PCCA: variants seen among roughly 807,000 people sequenced by gnomAD.
PCCA encodes the protein propionyl-CoA carboxylase subunit alpha.
PCCA carries 74 observed loss-of-function variants against 101.3 expected under a neutral mutation model. The observed-to-expected ratio is 0.73, with a 90% CI of 0.61 to 0.89. The LOEUF (loss-of-function observed/expected upper bound fraction) is 0.89. PCCA is among the 40% of genes least tolerant of loss of function. The pLI, the probability that PCCA is intolerant of heterozygous loss-of-function variation, is 0.00. For missense variants in PCCA, 891 were observed against 907.0 expected (o/e 0.98, Z 0.23); for synonymous variants, 294 against 313.6 (o/e 0.94, Z 0.66).
rs373646233 is a variant in PCCA, at chr13:100,456,114, A to T, written c.1899+6809A>T. Reference sequence around the variant, plus strand: ...TTTTGCCAGTGTGAATAGTGCCCTCATTGTTGTTTCAATTTGCTTTATCCT... The same window carrying T: ...TTTTGCCAGTGTGAATAGTGCCCTCTTTGTTGTTTCAATTTGCTTTATCCT... On this transcript the variant is annotated intron_variant, in intron 21 of 23. Coordinates refer to ENST00000376285, the MANE Select transcript of PCCA (RefSeq NM_000282.4). Among the ~76,000 whole-genome samples, 58 of 152,198 alleles carry T rather than the reference A, an allele frequency of 3.8e-4. No individual in the cohort carries two copies. The East Asian group carries it at 5.2e-3, about 14-fold the overall frequency.
chr13:100,299,377 T>A (rs1385828142), intron 12 of PCCA, among the ~76,000 whole-genome samples: 1 of 152,222 alleles, frequency 6.6e-6, no homozygotes, highest in Non-Finnish European at 1.5e-5. Flanking sequence ...ATATGCTTTT[T>A]AAAAGACATG....
chr13:100,218,688 T>C (rs1050318677), intron 7 of PCCA, among the ~76,000 whole-genome samples: 1 of 152,214 alleles, frequency 6.6e-6, no homozygotes, highest in Non-Finnish European at 1.5e-5. Context: ...AAAGGTGATG[T>C]GATATTACTC....
chr13:100,417,841 G>A (rs1473930878), intron 19 of PCCA, among the ~76,000 whole-genome samples: 2 of 151,970 alleles, frequency 1.3e-5, no homozygotes, highest in East Asian at 1.9e-4. Flanking sequence ...CATACCACAC[G>A]CACCTCCAAG....
intron 4 of PCCA, among the ~76,000 whole-genome samples, chr13:100,113,237 G>T (rs2048487590): frequency 6.6e-6 from 1 of 152,108 alleles, no homozygotes; most frequent in African/African-American, 2.4e-5. Flanking sequence ...AATACTGTAG[G>T]CAATTGTAAC....
intron 12 of PCCA, among the ~76,000 whole-genome samples, chr13:100,278,449 T>A (rs1307589090): frequency 6.6e-6 from 1 of 152,058 alleles, no homozygotes; most frequent in Non-Finnish European, 1.5e-5. Flanking sequence ...TTCAAGTTTG[T>A]ACCATGGTTG....
chr13:100,133,773 A>G (rs1050038406), intron 4 of PCCA, among the ~76,000 whole-genome samples: 3 of 151,992 alleles, frequency 2.0e-5, no homozygotes, highest in African/African-American at 7.3e-5. Flanking sequence ...AGGCAGACCC[A>G]CCCCCAATCT....
At chr13:100,200,985 A>G (rs1006363872) in intron 6 of PCCA, among the ~76,000 whole-genome samples, 7 of 152,248 alleles carry the variant, frequency 4.6e-5, no homozygotes, top group African/African-American at 1.4e-4. Context: ...GATAGGGGAA[A>G]TGACAGAATT....
At chr13:100,150,961 A>T in intron 4 of PCCA, 1 of 1,517,316 alleles carries the variant, frequency 6.6e-7, no homozygotes, top group South Asian at 1.1e-5. Context: ...GCGCTTTATC[A>T]GGCTGGGTGG....
chr13:100,284,171 G>A (rs2152634974), intron 12 of PCCA, among the ~76,000 whole-genome samples: 1 of 152,350 alleles, frequency 6.6e-6, no homozygotes, highest in Non-Finnish European at 1.5e-5. Flanking sequence ...CCTGTAACCA[G>A]GTATTTCTCC....
chr13:100,420,072 G>C (rs1358732041), intron 19 of PCCA, among the ~76,000 whole-genome samples: 1 of 152,174 alleles, frequency 6.6e-6, no homozygotes. Context: ...GCCTTGAAAG[G>C]AGCAGATTTT....
chr13:100,257,944 A>G (rs2062190186), intron 9 of PCCA, among the ~76,000 whole-genome samples: 1 of 152,164 alleles, frequency 6.6e-6, no homozygotes, highest in Non-Finnish European at 1.5e-5. Flanking sequence ...TTTAAAAATT[A>G]CAGTCAGGAT....
chr13:100,489,443 A>G (rs1347722704), intron 21 of PCCA, among the ~76,000 whole-genome samples: 3 of 152,366 alleles, frequency 2.0e-5, no homozygotes, highest in East Asian at 1.9e-4. Flanking sequence ...CATCTAGCCC[A>G]TTGTAGAAGA....
rs187935984 is a variant in PCCA, at chr13:100,451,617, C to A, written c.1899+2312C>A. On this transcript the variant is annotated intron_variant, in intron 21 of 23. Coordinates refer to ENST00000376285, the MANE Select transcript of PCCA (RefSeq NM_000282.4). The stretch of plus-strand genomic sequence containing the variant: ...CGGAAACTGAGCTCGAAAAGTTTCT[C>A]CCTCAGTTTTTCCTCTCTCTGAAAA... 3.3e-5 allele frequency among the ~76,000 whole-genome samples: 5 copies of A among 152,072 alleles called. No homozygotes were observed. The East Asian group carries it at 9.7e-4, about 29-fold the overall frequency.
At chr13:100,115,167 G>A (rs1159699888) in intron 4 of PCCA, among the ~76,000 whole-genome samples, 2 of 152,084 alleles carry the variant, frequency 1.3e-5, no homozygotes, top group African/African-American at 4.8e-5. Context: ...AATAAGCCAG[G>A]CACAGAAAGA....
At chr13:100,117,887 C>T (rs368180717) in intron 4 of PCCA, among the ~76,000 whole-genome samples, 99 of 151,954 alleles carry the variant, frequency 6.5e-4, no homozygotes, top group South Asian at 4.0e-3. Flanking sequence ...GAGGCTGAGG[C>T]GGGCAGATCA....
chr13:100,100,039 G>C (rs1013877109), intron 1 of PCCA, among the ~76,000 whole-genome samples: 6 of 152,100 alleles, frequency 3.9e-5, no homozygotes, highest in African/African-American at 1.4e-4. Context: ...TTTGGATTTA[G>C]TTTTCATGTA....
chr13:100,481,123 A>G (rs370058892), intron 21 of PCCA: 1 of 152,314 alleles, frequency 6.6e-6, no homozygotes, highest in African/African-American at 2.4e-5. Context: ...TTCTTACTGT[A>G]GATCTTAGCA....
At chr13:100,432,579 T>C (rs1028439829) in intron 20 of PCCA, among the ~76,000 whole-genome samples, 3 of 152,202 alleles carry the variant, frequency 2.0e-5, no homozygotes, top group Non-Finnish European at 4.4e-5. Context: ...GAATCTATGC[T>C]TTTCAGTCAG....
chr13:100,215,013 A>G (rs1341263774), intron 7 of PCCA, among the ~76,000 whole-genome samples: 1 of 152,200 alleles, frequency 6.6e-6, no homozygotes, highest in African/African-American at 2.4e-5. Flanking sequence ...ATACTGTGCC[A>G]GTCTATCCTT....
Sources: allele counts gnomAD v4.1 joint callset (sites outside exome capture counted in the v4.1 genomes callset), GRCh38; gene constraint gnomAD v4.1.1; transcripts MANE v1.5; gene names NCBI Gene and HGNC (gene_info 2026-07-23, HGNC 2026-07-21).